Variants in MEI4 observed in about 807,000 individuals in gnomAD.
MEI4 encodes meiotic double-stranded break formation protein 4.
A neutral mutation model predicts 31.4 loss-of-function variants in MEI4; 27 were observed. The ratio of observed to expected loss-of-function variants is 0.86; its 90% CI spans 0.63 to 1.19. The LOEUF (loss-of-function observed/expected upper bound fraction) is 1.19. Among genes scored for constraint, MEI4 ranks in the 50% most tolerant of loss-of-function variants. MEI4 has a pLI of 0.00. For missense variants in MEI4, 329 were observed against 398.9 expected (o/e 0.82, Z 1.49); for synonymous variants, 122 against 145.4 (o/e 0.84, Z 1.16).
At position 77,741,054 on chromosome 6, in the gene MEI4, T is replaced by A. The variant is rs1767388029; in HGVS notation, c.233-20076T>A. ...TTGTCTGGAGAGAGCAGGGATGGTT[T>A]CACAGAAAATTTGAAGCAGGGTTTG... On this transcript the variant is annotated intron_variant, in intron 2 of 4. Coordinates refer to ENST00000684080, the MANE Select transcript of MEI4 (RefSeq NM_001322247.2). Among the ~76,000 whole-genome samples the A allele has an allele frequency of 2.0e-5, 3 of 152,248 alleles. No individual in the cohort carries two copies. The South Asian group carries it at 6.2e-4, about 32-fold the overall frequency.
intron 3 of MEI4, among the ~76,000 whole-genome samples, chr6:77,787,483 T>C (rs1364367219): frequency 6.6e-6 from 1 of 152,146 alleles, no homozygotes; most frequent in Non-Finnish European, 1.5e-5. Context: ...GCAACAGCCA[T>C]GTGATCTGGC....
chr6:77,713,271 T>A (rs1384625), intron 2 of MEI4, among the ~76,000 whole-genome samples: 14,011 of 152,228 alleles, frequency 0.092, 935 homozygotes, highest in East Asian at 0.31. Context: ...CTGCTTCCTG[T>A]CACATAGGCA....
intron 3 of MEI4, among the ~76,000 whole-genome samples, chr6:77,787,802 C>G (rs1768785042): frequency 6.6e-6 from 1 of 151,994 alleles, no homozygotes; most frequent in African/African-American, 2.4e-5. Flanking sequence ...GATATATAAC[C>G]ACATGAAATT....
intron 2 of MEI4, among the ~76,000 whole-genome samples, chr6:77,699,354 TA>T (rs777684343): frequency 4.3e-4 from 65 of 151,758 alleles, no homozygotes; most frequent in Non-Finnish European, 7.5e-4. Flanking sequence ...TACGCCCGGC[TA>T]ATTTTTTTTT....
intron 2 of MEI4, among the ~76,000 whole-genome samples, chr6:77,743,114 G>A (rs1026828916): frequency 2.6e-5 from 4 of 152,020 alleles, no homozygotes; most frequent in Non-Finnish European, 5.9e-5. Flanking sequence ...GCTCTTTTTT[G>A]GTTCCATATG....
At chr6:77,758,155 CAAA>C (rs58249702) in intron 2 of MEI4, among the ~76,000 whole-genome samples, 192 of 115,800 alleles carry the variant, frequency 1.7e-3, no homozygotes, top group African/African-American at 5.5e-3. Context: ...CTCCATCTCA[CAAA>C]AAAAAAAAAA....
chr6:77,726,521 A>G (rs982220583), intron 2 of MEI4, among the ~76,000 whole-genome samples: 2 of 152,192 alleles, frequency 1.3e-5, no homozygotes, highest in African/African-American at 4.8e-5. Flanking sequence ...AGGGGTTTCT[A>G]CAACCCAGGA....
At position 77,879,825 on chromosome 6, in the gene MEI4, C is replaced by T. The variant is rs372634439; in HGVS notation, c.901-43264C>T. On this transcript the variant is annotated intron_variant, in intron 4 of 4. Coordinates refer to ENST00000684080, the MANE Select transcript of MEI4 (RefSeq NM_001322247.2). ...GATCTGCTTTCAAAAACGCACTTCCCAGAGTATTTGGGGCTTCACATTCCA... is the reference window on the plus strand; with the variant it reads ...GATCTGCTTTCAAAAACGCACTTCCTAGAGTATTTGGGGCTTCACATTCCA... Among the ~76,000 whole-genome samples, 5 of 152,246 alleles carry T rather than the reference C, an allele frequency of 3.3e-5. No individual in the cohort carries two copies. In the East Asian group the frequency reaches 5.8e-4, roughly 18 times the overall value.
intron 3 of MEI4, among the ~76,000 whole-genome samples, chr6:77,826,887 G>A (rs1769965134): frequency 6.6e-6 from 1 of 152,036 alleles, no homozygotes; most frequent in African/African-American, 2.4e-5. Context: ...AAATTAATTG[G>A]GAAAGTGATA....
chr6:77,920,462 C>T (rs994056326), intron 4 of MEI4, among the ~76,000 whole-genome samples: 1 of 152,030 alleles, frequency 6.6e-6, no homozygotes. Context: ...ACCGCATCTG[C>T]AGTGACTTCC....
At chr6:77,899,464 TA>T (rs1262950321) in intron 4 of MEI4, among the ~76,000 whole-genome samples, 1 of 152,052 alleles carries the variant, frequency 6.6e-6, no homozygotes, top group Non-Finnish European at 1.5e-5. Context: ...TTTATCCAAC[TA>T]AAAGACCTAG....
chr6:77,910,305 A>C (rs1346259041), intron 4 of MEI4, among the ~76,000 whole-genome samples: 2 of 152,150 alleles, frequency 1.3e-5, no homozygotes, highest in Admixed American at 1.3e-4. Context: ...ATAACTAGAA[A>C]ACCCCATTGT....
chr6:77,920,179 T>G (rs923461233), intron 4 of MEI4, among the ~76,000 whole-genome samples: 3 of 151,548 alleles, frequency 2.0e-5, no homozygotes, highest in East Asian at 3.9e-4. Context: ...TACCAAAGCC[T>G]GGCAGAGACA....
chr6:77,813,065 A>G (rs1263767325), intron 3 of MEI4, among the ~76,000 whole-genome samples: 1 of 152,050 alleles, frequency 6.6e-6, no homozygotes, highest in Non-Finnish European at 1.5e-5. Flanking sequence ...TGAGTAGGTT[A>G]TTTTGGTTGG....
Position 77,924,189 on chromosome 6 carries a change from G to A in MEI4, c.*843G>A, listed in dbSNP as rs1174335653. 1.3e-5 allele frequency: 2 copies of A among 151,676 alleles called. No homozygotes were observed. Among genetic ancestry groups the A allele is most frequent in the African/African-American group, 4.8e-5 (2 of 41,356 alleles). The allele number at this position is 151,676 out of a possible 1,614,324, so 9.4% of individuals were successfully genotyped here. A position where few individuals can be genotyped will look rare whatever the true frequency, so the allele number is the denominator to read the frequency against. ...TTAAAATCATAACCGCAAACTTAAT[G>A]AGCATATGTTACATTTCCTATAGTG... is the stretch of plus-strand genomic sequence containing the variant. On this transcript the variant is annotated 3_prime_UTR_variant, in exon 5 of 5. Transcript: ENST00000684080.
At chr6:77,740,449 T>C (rs1767369717) in intron 2 of MEI4, among the ~76,000 whole-genome samples, 1 of 152,212 alleles carries the variant, frequency 6.6e-6, no homozygotes, top group South Asian at 2.1e-4. Flanking sequence ...AAGCCTTTTC[T>C]TTGTCACCAT....
At chr6:77,707,586 A>G (rs761382717) in intron 2 of MEI4, among the ~76,000 whole-genome samples, 1 of 152,204 alleles carries the variant, frequency 6.6e-6, no homozygotes, top group Non-Finnish European at 1.5e-5. Flanking sequence ...AAAGGGAGTC[A>G]AGTGCTACTA....
chr6:77,655,279 C>T (rs1768372711), intron 1 of MEI4, among the ~76,000 whole-genome samples: 1 of 152,122 alleles, frequency 6.6e-6, no homozygotes. Flanking sequence ...TGTATATGTG[C>T]CACATTTTCT....
At chr6:77,781,396 G>T (rs185099295) in intron 3 of MEI4, among the ~76,000 whole-genome samples, 1 of 152,182 alleles carries the variant, frequency 6.6e-6, no homozygotes. Flanking sequence ...TTCCTCCACA[G>T]CATGTTAATA....
Sources: allele counts gnomAD v4.1 joint callset (sites outside exome capture counted in the v4.1 genomes callset), GRCh38; gene constraint gnomAD v4.1.1; transcripts MANE v1.5; gene names NCBI Gene and HGNC (gene_info 2026-07-23, HGNC 2026-07-21).